The following KIF15 variants were observed in gnomAD, a reference collection of about 807,000 sequenced individuals.
The protein encoded by KIF15 is kinesin family member 15, also known as kinesin-like protein KIF15.
Under a neutral mutation model 190.6 loss-of-function variants are expected in KIF15, and 140 were observed. The ratio of observed to expected loss-of-function variants is 0.73; its 90% CI spans 0.64 to 0.84. KIF15 has a LOEUF of 0.84. KIF15 is among the 40% of genes least tolerant of loss of function. KIF15 has a pLI of 0.00. For synonymous variants in KIF15, 528 were observed against 551.3 expected, an observed-to-expected ratio of 0.96 and a Z score of 0.59; for missense variants, 1,372 against 1,584.4, an observed-to-expected ratio of 0.87 and a Z score of 2.28.
intron 29 of KIF15, among the ~76,000 whole-genome samples, 165 bp from the exon 30 acceptor site, chr3:44,842,960 G>A (rs867739357): frequency 6.6e-6 from 1 of 151,934 alleles, no homozygotes; most frequent in Non-Finnish European, 1.5e-5. Context: ...ACCATTCTAG[G>A]CCTCCAATAG....
rs775029998 is a variant in KIF15 at position 44,843,241 on chromosome 3, A to G, written c.3695+7A>G. The G allele has an allele frequency of 1.3e-6, 2 of 1,580,918 alleles. No homozygotes were observed. The highest frequency in any genetic ancestry group is 1.7e-6 in the Non-Finnish European group (2 of 1,151,556). ...AAAGACAAAAGGAAAACAGGTGAGA[A>G]AGAACCACGAGAACTCTATGGGCTA... On this transcript the variant is annotated splice_region_variant and intron_variant, in intron 30 of 34. Transcript: ENST00000326047.
In KIF15 at chr3:44,815,051, G is replaced by C. The variant is rs776781117; in HGVS notation, c.2524G>C (p.Val842Leu). The change falls in exon 20 of 35, where the codon GTA becomes CTA. Residue 842 changes from valine to leucine, a missense_variant. By Grantham distance (32) the Val-to-Leu change is conservative (BLOSUM62 1). Coordinates refer to ENST00000326047, the MANE Select transcript of KIF15 (RefSeq NM_020242.3). ...CAAACTTTCCGAAAGACACATGCAT[G>C]TACAGCTTCAATTAGATAATCTCAG... Reference protein sequence around the residue: ...FNKLSERHMHVQLQLDNLRLE... With the variant: ...FNKLSERHMHLQLQLDNLRLE... 6.2e-7 allele frequency: 1 copy of C among 1,600,992 alleles called. No individual in the cohort carries two copies. The highest frequency in any genetic ancestry group is 1.1e-5 in the South Asian group (1 of 88,050).
chr3:44,845,979 T>C (rs75904788), intron 30 of KIF15, among the ~76,000 whole-genome samples: 2,836 of 152,312 alleles, frequency 0.019, 76 homozygotes, highest in African/African-American at 0.063. Context: ...CCTGGATACA[T>C]TAATGGCCCG....
intron 17 of KIF15, among the ~76,000 whole-genome samples, chr3:44,811,874 T>C (rs1707800316): frequency 6.6e-6 from 1 of 152,186 alleles, no homozygotes. Context: ...CTGAGGAAGC[T>C]TCTTAGAAGT....
intron 25 of KIF15, 139 bp from the exon 26 acceptor site, chr3:44,830,757 A>G: frequency 6.1e-6 from 5 of 815,306 alleles, no homozygotes; most frequent in Non-Finnish European, 9.3e-6. Context: ...TTATTCTTCT[A>G]TTCCTTCAGT....
rs772006778 is a variant in KIF15 at position 44,852,308 on chromosome 3, G to A, written c.4073G>A (p.Arg1358Gln). 9 of 1,610,394 alleles carry A rather than the reference G, an allele frequency of 5.6e-6. No homozygotes were observed. The highest frequency in any genetic ancestry group is 3.3e-5 in the South Asian group (3 of 90,472). Residue 1358 changes from arginine (R) to glutamine (Q), a missense_variant, in exon 34 of 35, where the codon CGA (arginine) becomes CAA (glutamine). Transcript: ENST00000326047. ...CATCAGAAGATTCAGTACGTAGTGC[G>A]ACTAAAGAAGGAAAATGTCAGGCTT... ...NLHQKIQYVV[R>Q]LKKENVRLAE...
chr3:44,861,148 C>T (rs573622480), intron 6 of KIF15, among the ~76,000 whole-genome samples: 4 of 152,236 alleles, frequency 2.6e-5, no homozygotes, highest in African/African-American at 9.6e-5. Flanking sequence ...TGCACCACCA[C>T]GCCCGGCTAA....
chr3:44,810,005 T>C (rs112290059), intron 16 of KIF15, among the ~76,000 whole-genome samples: 1,775 of 152,238 alleles, frequency 0.012, 31 homozygotes, highest in African/African-American at 0.039. Context: ...AGGCAGAGGT[T>C]GTGGTGAGCC....
chr3:44,777,194 T>TAG (rs1256846628), intron 3 of KIF15, among the ~76,000 whole-genome samples: 1 of 151,998 alleles, frequency 6.6e-6, no homozygotes. Flanking sequence ...GATGGAGTCT[T>TAG]ACTATGTTCC....
intron 1 of KIF15, among the ~76,000 whole-genome samples, chr3:44,771,259 G>C (rs547910951): frequency 3.9e-5 from 6 of 152,140 alleles, no homozygotes; most frequent in East Asian, 1.9e-4. Flanking sequence ...ATATACTCAT[G>C]ATGGGGCCCT....
intron 30 of KIF15, among the ~76,000 whole-genome samples, chr3:44,847,362 T>TG (rs1237075099): frequency 6.6e-6 from 1 of 152,188 alleles, no homozygotes; most frequent in Non-Finnish European, 1.5e-5. Context: ...CCTCACCTGG[T>TG]CAGGCTCACA....
At chr3:44,792,917 A>C (rs1319755924) in intron 7 of KIF15, among the ~76,000 whole-genome samples, 2 of 151,970 alleles carry the variant, frequency 1.3e-5, no homozygotes, top group East Asian at 3.9e-4. Flanking sequence ...ATTTTACTTA[A>C]TTTTCAATAT....
At chr3:44,806,432 G>A (rs72875752) in intron 16 of KIF15, among the ~76,000 whole-genome samples, 5 of 152,036 alleles carry the variant, frequency 3.3e-5, no homozygotes, top group African/African-American at 7.2e-5. Flanking sequence ...GGCAAAGACC[G>A]CTAAGGGATC....
intron 3 of KIF15, among the ~76,000 whole-genome samples, chr3:44,776,762 G>C (rs1409942251): frequency 2.6e-5 from 4 of 152,158 alleles, no homozygotes; most frequent in Non-Finnish European, 5.9e-5. Flanking sequence ...TTCTGTATCT[G>C]TGCTGTCTGT....
chr3:44,827,182 A>C (rs988735323), intron 22 of KIF15: 1 of 394,958 alleles, frequency 2.5e-6, no homozygotes, highest in Non-Finnish European at 4.9e-6. Context: ...AACTTCTAGC[A>C]CAGGGAGACA....
rs534431438 is a variant in KIF15, at chr3:44,865,595, G to A, written c.*60-7734G>A. The A allele has an allele frequency of 1.8e-3, 345 of 186,630 alleles. 11 individuals are homozygous for A. The South Asian group carries it at 0.05, about 27-fold the overall frequency. 11.6% of individuals were successfully genotyped at this position (186,630 alleles called of 1,614,324 possible). Reference sequence around the variant, plus strand: ...TCCATGCTGATGTATCAGGCCATCTGTGTCATGCTTATGTATTATGGCAAG... The same window carrying A: ...TCCATGCTGATGTATCAGGCCATCTATGTCATGCTTATGTATTATGGCAAG... On this transcript the variant is annotated intron_variant and NMD_transcript_variant, in intron 6 of 6. Coordinates refer to the KIF15 transcript ENST00000422209.
rs570328543 is a variant in KIF15, at chr3:44,807,628, T to C, written c.1971+1642T>C. ...CAATCAGTGTCACCAAGTCAATCAA[T>C]GTCACCAAGTATTTTCTCACTTTAC... is the stretch of plus-strand genomic sequence containing the variant. On this transcript the variant is annotated intron_variant, in intron 16 of 34. Coordinates refer to ENST00000326047, the MANE Select transcript of KIF15 (RefSeq NM_020242.3). 2.6e-3 allele frequency among the ~76,000 whole-genome samples: 398 copies of C among 152,312 alleles called. 1 individual carries two copies. Among genetic ancestry groups the C allele is most frequent in the Non-Finnish European group, 3.5e-3 (237 of 68,026 alleles).
chr3:44,782,000 T>C (rs1706188339), intron 5 of KIF15, among the ~76,000 whole-genome samples: 1 of 152,194 alleles, frequency 6.6e-6, no homozygotes, highest in Non-Finnish European at 1.5e-5. Context: ...GGTTTTTTTT[T>C]CTATGCTAAA....
rs1353337521 is a variant in KIF15, at chr3:44,812,266, C to T, written c.2254C>T (p.His752Tyr). ...TCAGCAGCATGTTGACAAACTGGAACATCATTCTACCCAAATGCAGGAGGT... is the reference window on the plus strand; with the variant it reads ...TCAGCAGCATGTTGACAAACTGGAATATCATTCTACCCAAATGCAGGAGGT... Reference protein sequence around the residue: ...KLQQHVDKLEHHSTQMQELFS... With the variant: ...KLQQHVDKLEYHSTQMQELFS... The change falls in exon 18 of 35, where the codon CAT becomes TAT. Residue 752 changes from histidine (H) to tyrosine (Y), a missense_variant. His to Tyr is a moderately conservative substitution (Grantham distance 83). Coordinates refer to ENST00000326047, the MANE Select transcript of KIF15 (RefSeq NM_020242.3). 6.2e-7 allele frequency: 1 copy of T among 1,613,830 alleles called. No individual in the cohort carries two copies. Among genetic ancestry groups the T allele is most frequent in the East Asian group, 2.2e-5 (1 of 44,858 alleles).
Sources: gnomAD v4.1 joint callset for allele counts (sites outside exome capture counted in the v4.1 genomes callset) on GRCh38, gnomAD v4.1.1 for gene constraint, MANE v1.5 for transcripts, NCBI Gene and HGNC (gene_info 2026-07-23, HGNC 2026-07-21) for gene names.